The following PFKM variants were observed in gnomAD, a reference collection of about 807,000 sequenced individuals.
PFKM encodes phosphofructokinase, muscle.
PFKM carries 58 observed loss-of-function variants against 95.5 expected under a neutral mutation model. The observed-to-expected ratio is 0.61, with a 90% CI of 0.49 to 0.76. The LOEUF (loss-of-function observed/expected upper bound fraction) is 0.76. Ranked by LOEUF, PFKM falls within the 30% of genes least tolerant of loss-of-function variation. PFKM has a pLI of 0.00. For missense variants in PFKM, 678 were observed against 1,005.4 expected (o/e 0.67, Z 4.40); for synonymous variants, 336 against 357.2 (o/e 0.94, Z 0.67).
chr12:48,109,158 T>C (rs1213201680), intron 3 of PFKM, among the ~76,000 whole-genome samples: 1 of 152,206 alleles, frequency 6.6e-6, no homozygotes, highest in Non-Finnish European at 1.5e-5. Context: ...GTTAAGAACT[T>C]AATAATTTTG....
chr12:48,113,663 T>C (rs1947410729), intron 3 of PFKM, among the ~76,000 whole-genome samples: 1 of 152,216 alleles, frequency 6.6e-6, no homozygotes, highest in Non-Finnish European at 1.5e-5. Flanking sequence ...GTGAAGTTCT[T>C]GTGTGCTGGA....
intron 3 of PFKM, among the ~76,000 whole-genome samples, chr12:48,114,228 T>C (rs1385734906): frequency 6.6e-6 from 1 of 152,180 alleles, no homozygotes; most frequent in East Asian, 1.9e-4. Context: ...GACATTTAGG[T>C]CACTCCAGAT....
intron 3 of PFKM, among the ~76,000 whole-genome samples, chr12:48,108,781 C>A (rs1301684951): frequency 6.6e-6 from 1 of 152,162 alleles, no homozygotes; most frequent in Admixed American, 6.5e-5. Flanking sequence ...TTATTGAGTT[C>A]CCGCTATTTG....
Position 48,145,245 on chromosome 12 carries a change from G to A in PFKM, c.2128G>A (p.Val710Ile), listed in dbSNP as rs1592829765. 1 of 1,614,168 alleles carries A rather than the reference G, an allele frequency of 6.2e-7. No individual in the cohort carries two copies. The highest frequency in any genetic ancestry group is 8.5e-7 in the Non-Finnish European group (1 of 1,180,028). The stretch of plus-strand genomic sequence containing the variant: ...TGCCAATACTCCAGATTCGGGCTGT[G>A]TTCTGGGGATGCGTAAGAGGGCTCT... ...IFANTPDSGC[V>I]LGMRKRALVF... The change falls in exon 22 of 23, where the codon GTT becomes ATT. Residue 710 changes from valine (V) to isoleucine (I), a missense_variant. By Grantham distance (29) the Val-to-Ile change is conservative. Coordinates refer to ENST00000359794, the MANE Select transcript of PFKM (RefSeq NM_000289.6). This position sits in a 1 kb window ranked among gnomAD's most constrained non-coding sequence, Gnocchi z 4.3.
chr12:48,126,380 G>A (rs1320929207), intron 2 of PFKM, among the ~76,000 whole-genome samples: 1 of 152,206 alleles, frequency 6.6e-6, no homozygotes, highest in African/African-American at 2.4e-5. Flanking sequence ...GGTACATGAA[G>A]AGCATCCTAA....
At chr12:48,137,479 G>A in intron 10 of PFKM, 1 of 569,786 alleles carries the variant, frequency 1.8e-6, no homozygotes, top group Non-Finnish European at 3.1e-6. Context: ...GATTACCATA[G>A]TGGGCATGTT....
Position 48,145,437 on chromosome 12 carries a change from C to A in PFKM, c.2198+122C>A. Reference sequence around the variant, plus strand: ...TAAGGAGTAACACCTGTATTCTTACCCATTTCAGATGTGATGCACATGTCC... The same window carrying A: ...TAAGGAGTAACACCTGTATTCTTACACATTTCAGATGTGATGCACATGTCC... On this transcript the variant is annotated intron_variant, in intron 22 of 22. Coordinates refer to ENST00000359794, the MANE Select transcript of PFKM (RefSeq NM_000289.6). This position sits in a 1 kb window ranked among gnomAD's most constrained non-coding sequence, Gnocchi z 4.3. 7.8e-7 allele frequency: 1 copy of A among 1,282,996 alleles called. No individual in the cohort carries two copies. The highest frequency in any genetic ancestry group is 1.1e-6 in the Non-Finnish European group (1 of 891,016). 79.5% of individuals were successfully genotyped at this position (1,282,996 alleles called of 1,614,324 possible).
At chr12:48,123,374 G>A (rs1338486234) in intron 2 of PFKM, among the ~76,000 whole-genome samples, 1 of 152,022 alleles carries the variant, frequency 6.6e-6, no homozygotes, top group Non-Finnish European at 1.5e-5. Flanking sequence ...GAACAAATAG[G>A]AACAGCAGCA....
At chr12:48,133,127 C>A in intron 5 of PFKM, 70 bp downstream of exon 5, 1 of 1,459,750 alleles carries the variant, frequency 6.9e-7, no homozygotes, top group Non-Finnish European at 9.6e-7. Flanking sequence ...ACACACATCG[C>A]CCCCGCCCTG....
rs372283098 is a variant in PFKM at position 48,107,745 on chromosome 12, A to G, written c.82+290A>G. Among the ~76,000 whole-genome samples the G allele has an allele frequency of 7.9e-5, 12 of 152,144 alleles. No homozygotes were observed. In the East Asian group the frequency reaches 9.6e-4, roughly 12 times the overall value. The stretch of plus-strand genomic sequence containing the variant: ...TTGTCATTATTGTGTTGTTATGTGA[A>G]TTACTTCGACCAGTCTGGGCTCATC... On this transcript the variant is annotated intron_variant, in intron 2 of 24. Transcript: ENST00000340802.
chr12:48,135,094 C>T (rs974529857), intron 9 of PFKM, 56 bp downstream of exon 9: 1 of 1,358,638 alleles, frequency 7.4e-7, no homozygotes, highest in African/African-American at 1.4e-5. Flanking sequence ...TCCCTTCTGG[C>T]TTCTGAGTCT....
At chr12:48,108,104 C>T (rs751774594) in exon 3 of PFKM, 6 of 1,599,252 alleles carry the variant, frequency 3.8e-6, no homozygotes, top group Non-Finnish European at 5.1e-6. Flanking sequence ...CATGCTCATA[C>T]CAAAGCCACC....
chr12:48,125,388 G>A (rs771219848), intron 2 of PFKM: 4 of 440,070 alleles, frequency 9.1e-6, no homozygotes, highest in South Asian at 3.2e-5. Context: ...TTGGGAGGCC[G>A]AGGCGGGCAG....
intron 2 of PFKM, among the ~76,000 whole-genome samples, chr12:48,129,351 G>A (rs867574008): frequency 1.4e-4 from 21 of 149,790 alleles, no homozygotes; most frequent in African/African-American, 3.9e-4. Flanking sequence ...ATGAGCTACC[G>A]TGTCCAGCCC....
exon 1 of PFKM, chr12:48,105,954 C>T (rs2137450796): frequency 1.4e-6 from 1 of 693,966 alleles, no homozygotes; most frequent in Non-Finnish European, 2.6e-6. Flanking sequence ...GGCCGGCTGA[C>T]CGGGTCCGAC....
In PFKM at chr12:48,130,379, C is replaced by A; in HGVS notation, c.102C>A (p.Val34=). ...GGDAQGMNAA[V]RAVVRVGIFT... ...TCCTTTCAGGTATGAATGCTGCTGT[C>A]AGGGCTGTGGTTCGAGTTGGTATCT... The change falls in exon 3 of 23, where the codon GTC becomes GTA. Residue 34 remains valine (V), a synonymous_variant. Transcript: ENST00000359794. The A allele has an allele frequency of 6.2e-6, 10 of 1,613,840 alleles. No homozygotes were observed. Among genetic ancestry groups the A allele is most frequent in the Non-Finnish European group, 7.6e-6 (9 of 1,179,688 alleles).
intron 2 of PFKM, among the ~76,000 whole-genome samples, chr12:48,124,297 T>C (rs4760684): frequency 0.29 from 44,594 of 152,106 alleles, 6,684 homozygotes; most frequent in Non-Finnish European, 0.31. Flanking sequence ...AAACCACAGA[T>C]CTGGCTTTTA....
chr12:48,131,583 G>A (rs185483118), intron 4 of PFKM, 190 bp downstream of exon 4: 1 of 650,906 alleles, frequency 1.5e-6, no homozygotes, highest in East Asian at 2.8e-5. Flanking sequence ...CTGGGGCAGG[G>A]AGAGGGTGGA....
In PFKM at chr12:48,139,786, T is replaced by C. The variant is rs1201066199; in HGVS notation, c.1128-63T>C. 2.7e-6 allele frequency: 3 copies of C among 1,106,768 alleles called. No homozygotes were observed. In the African/African-American group the frequency reaches 4.6e-5, roughly 17 times the overall value. The allele number at this position is 1,106,768 out of a possible 1,614,324, so 68.6% of individuals were successfully genotyped here. A position where few individuals can be genotyped will look rare whatever the true frequency, so the allele number is the denominator to read the frequency against. On this transcript the variant is annotated intron_variant, in intron 12 of 22. Coordinates refer to ENST00000359794, the MANE Select transcript of PFKM (RefSeq NM_000289.6). ...GGGAGCAACACTTCAGACCAGGATCTCCATGGCTGCTGGCTGTGGGGAATG... is the reference window on the plus strand; with the variant it reads ...GGGAGCAACACTTCAGACCAGGATCCCCATGGCTGCTGGCTGTGGGGAATG...
Sources: allele counts gnomAD v4.1 joint callset (sites outside exome capture counted in the v4.1 genomes callset), GRCh38; gene constraint gnomAD v4.1.1; non-coding constraint Gnocchi (gnomAD v3.1); transcripts MANE v1.5; gene names NCBI Gene and HGNC (gene_info 2026-07-23, HGNC 2026-07-21).